The following TCF7 variants were observed in gnomAD, a reference collection of about 807,000 sequenced individuals.
The protein encoded by TCF7 is transcription factor 7.
A neutral mutation model predicts 46.8 loss-of-function variants in TCF7; 19 were observed. That is an observed-to-expected ratio of 0.41 (90% CI 0.28 to 0.60). The LOEUF is 0.60. TCF7 is among the 20% of genes least tolerant of loss of function. The probability of loss-of-function intolerance (pLI) is 0.35; values close to 1 mark genes in which losing one functional copy is unlikely to be tolerated. For synonymous variants in TCF7, 245 were observed against 213.4 expected, an observed-to-expected ratio of 1.15 and a Z score of -1.29; for missense variants, 547 against 504.6, an observed-to-expected ratio of 1.08 and a Z score of -0.81.
At chr5:134,142,130 C>T (rs747839188) in intron 5 of TCF7, 55 bp from the exon 6 acceptor site, 36 of 1,611,592 alleles carry the variant, frequency 2.2e-5, no homozygotes, top group Non-Finnish European at 3.1e-5. Context: ...CTGTGTGTGT[C>T]CAAAGGTCTG....
intron 5 of TCF7, chr5:134,139,788 A>G (rs1318973949): frequency 2.0e-5 from 3 of 152,380 alleles, no homozygotes; most frequent in Non-Finnish European, 4.4e-5. Flanking sequence ...CCCCAAGGAG[A>G]TCGGGCAGGC....
At chr5:134,117,313 C>T (rs1270921488) in intron 3 of TCF7, among the ~76,000 whole-genome samples, 1 of 152,216 alleles carries the variant, frequency 6.6e-6, no homozygotes, top group East Asian at 1.9e-4. Context: ...GTGACTACAT[C>T]CAGAGAACTC....
At chr5:134,116,130 G>C (rs1439346248) in intron 3 of TCF7, 97 bp downstream of exon 3, 1 of 1,478,738 alleles carries the variant, frequency 6.8e-7, no homozygotes, top group East Asian at 2.5e-5. Context: ...GAACAAAATA[G>C]ACGAGACTCC....
At chr5:134,129,947 C>G (rs1353175724) in intron 3 of TCF7, among the ~76,000 whole-genome samples, 1 of 152,248 alleles carries the variant, frequency 6.6e-6, no homozygotes, top group Non-Finnish European at 1.5e-5. Context: ...CTTGCCATCC[C>G]CCACCCCTTC....
chr5:134,145,798 C>T (rs1056718747), intron 9 of TCF7: 6 of 1,613,918 alleles, frequency 3.7e-6, no homozygotes, highest in Non-Finnish European at 5.1e-6. Context: ...CTGTCCATGT[C>T]TTCTTCCTCT....
chr5:134,109,170 T>G, the TCF7 span, among the ~76,000 whole-genome samples: 4 of 152,152 alleles, frequency 2.6e-5, no homozygotes, highest in African/African-American at 9.7e-5. Context: ...CAAAAACTTC[T>G]GAGCACCGCA....
At chr5:134,115,706 T>G in intron 2 of TCF7, 1 of 1,428,792 alleles carries the variant, frequency 7.0e-7, no homozygotes, top group Non-Finnish European at 9.1e-7. Flanking sequence ...GGGTGGGAGG[T>G]CAAGTAGGGG....
At chr5:134,116,064 G>A (rs771422544) in intron 3 of TCF7, 31 bp downstream of exon 3, 1 of 1,594,742 alleles carries the variant, frequency 6.3e-7, no homozygotes, top group South Asian at 1.1e-5. Context: ...GTGCCGCCCT[G>A]TGCTTGCAGC....
In TCF7 at chr5:134,139,245, G is replaced by A. The variant is rs1759371160; in HGVS notation, c.635+207G>A. 1.9e-5 allele frequency: 13 copies of A among 700,200 alleles called. No homozygotes were observed. In the South Asian group the frequency reaches 2.7e-4, roughly 14 times the overall value. The allele number at this position is 700,200 out of a possible 1,614,324, so 43.4% of individuals were successfully genotyped here. On this transcript the variant is annotated intron_variant, in intron 5 of 9. Coordinates refer to ENST00000342854, the MANE Select transcript of TCF7 (RefSeq NM_003202.5). ...CCGGCCTGCATTCCCCAGGGAGCCT[G>A]ACATACTCCCTTTGGAGAGGCAGGA...
In TCF7 at chr5:134,147,466, T is replaced by C. The variant is rs1401921251; in HGVS notation, c.*1163T>C. The C allele has an allele frequency of 2.0e-5, 3 of 152,752 alleles. No homozygotes were observed. In the East Asian group the frequency reaches 5.8e-4, roughly 30 times the overall value. The allele number at this position is 152,752 out of a possible 1,614,324, so 9.5% of individuals were successfully genotyped here. A position where few individuals can be genotyped will look rare whatever the true frequency, so the allele number is the denominator to read the frequency against. ...CCTCATGACAGCCAGAGCCTGTCTT[T>C]CAGCATTCAGTCCGCCTGGCCGGCT... On this transcript the variant is annotated 3_prime_UTR_variant, in exon 10 of 10. Coordinates refer to ENST00000342854, the MANE Select transcript of TCF7 (RefSeq NM_003202.5).
intron 5 of TCF7, 128 bp from the exon 6 acceptor site, chr5:134,142,057 C>T (rs1456974378): frequency 7.6e-7 from 1 of 1,322,976 alleles, no homozygotes; most frequent in African/African-American, 1.4e-5. Flanking sequence ...TATGTCTAGG[C>T]CAGTAGGATA....
rs748686165 is a variant in TCF7, at chr5:134,115,993, C to G, written c.401C>G (p.Pro134Arg). The change falls in exon 3 of 10, where the codon CCC becomes CGC. Residue 134 changes from proline to arginine, a missense_variant. This residue lies in a region of TCF7 where 425 missense variants were observed against 349.9 expected (regional missense o/e 1.21). Transcript: ENST00000342854. Reference sequence around the variant, plus strand: ...AATCTGCTCATGCATTACCCACCCCCCTCGGGAGCAGGGCAGCACCCCCAG... The same window carrying G: ...AATCTGCTCATGCATTACCCACCCCGCTCGGGAGCAGGGCAGCACCCCCAG... ...AFNLLMHYPP[P>R]SGAGQHPQPQ... The G allele has an allele frequency of 1.4e-5, 23 of 1,613,594 alleles. 1 individual carries two copies. Among genetic ancestry groups the G allele is most frequent in the South Asian group, 6.6e-5 (6 of 91,090 alleles).
Position 134,115,911 on chromosome 5 carries a change from C to T in TCF7, c.319C>T (p.Leu107=). Residue 107 remains leucine, a splice_region_variant and synonymous_variant, in exon 3 of 10, where the codon CTG becomes TTG. Coordinates refer to ENST00000342854, the MANE Select transcript of TCF7 (RefSeq NM_003202.5). ...DKLPEPLEDG[L]KAPECTSGMY... ...TGACCCAGCTGTGGTTTTTCCAGGC[C>T]TGAAGGCCCCGGAGTGCACCAGCGG... 6.2e-7 allele frequency: 1 copy of T among 1,613,956 alleles called. No individual in the cohort carries two copies. The highest frequency in any genetic ancestry group is 1.1e-5 in the South Asian group (1 of 91,082).
At chr5:134,110,836 T>C (rs925087848), upstream of TCF7, among the ~76,000 whole-genome samples, 1 of 152,254 alleles carries the variant, frequency 6.6e-6, no homozygotes, top group Non-Finnish European at 1.5e-5. Flanking sequence ...GGGCCTTTCA[T>C]GTTAAAGGAG....
chr5:134,147,919 TGAGCC>T lies in TCF7; in HGVS notation c.*1620_*1624del, dbSNP rs1260284744. 7.5e-6 allele frequency: 1 copy of T among 133,150 alleles called. No individual in the cohort carries two copies. The highest frequency in any genetic ancestry group is 1.5e-5 in the Non-Finnish European group (1 of 65,920). The allele number at this position is 133,150 out of a possible 1,614,324, so 8.2% of individuals were successfully genotyped here. A position where few individuals can be genotyped will look rare whatever the true frequency, so the allele number is the denominator to read the frequency against. On this transcript the variant is annotated 3_prime_UTR_variant, in exon 10 of 10. Transcript: ENST00000342854. ...TGAACCCGGGAGGCGGAGGTTCCAG[TGAGCC>T]GAGATGGCGCTATTGCACTCCAGTC...
rs535133507 is a variant in TCF7, at chr5:134,148,178, T to G, written c.*1875T>G. On this transcript the variant is annotated 3_prime_UTR_variant, in exon 10 of 10. Transcript: ENST00000342854. ...TTAATGCATCATCATAGAAAAACTT[T>G]TAAACATGAGAATAAAGATACTTTT... 1.3e-5 allele frequency: 2 copies of G among 152,636 alleles called. No homozygotes were observed. Among genetic ancestry groups the G allele is most frequent in the African/African-American group, 2.4e-5 (1 of 41,446 alleles). 9.5% of individuals were successfully genotyped at this position (152,636 alleles called of 1,614,324 possible). A position where few individuals can be genotyped will look rare whatever the true frequency, so the allele number is the denominator to read the frequency against.
chr5:134,121,283 C>CA (rs879401476), intron 3 of TCF7, among the ~76,000 whole-genome samples: 3,322 of 137,924 alleles, frequency 0.024, 92 homozygotes, highest in African/African-American at 0.066. Flanking sequence ...TGTTTTGTTT[C>CA]AAAAAAAAAA....
intron 3 of TCF7, among the ~76,000 whole-genome samples, chr5:134,133,491 T>C (rs1758441900): frequency 6.6e-6 from 1 of 152,080 alleles, no homozygotes; most frequent in Non-Finnish European, 1.5e-5. Flanking sequence ...CCCTGTTGTC[T>C]AGGCAGCCTG....
chr5:134,125,992 C>G (rs1420397079), intron 3 of TCF7, among the ~76,000 whole-genome samples: 1 of 152,250 alleles, frequency 6.6e-6, no homozygotes, highest in Non-Finnish European at 1.5e-5. Context: ...AGCTTTGTAG[C>G]TATCAAAAGA....
Sources: gnomAD v4.1 joint callset for allele counts (sites outside exome capture counted in the v4.1 genomes callset) on GRCh38, gnomAD v4.1.1 for gene constraint, gnomAD v4.1.1 regional missense constraint, MANE v1.5 for transcripts, NCBI Gene and HGNC (gene_info 2026-07-23, HGNC 2026-07-21) for gene names.